Variants in MTMR12 observed in about 807,000 individuals in gnomAD.
MTMR12 encodes the protein myotubularin related protein 12.
A neutral mutation model predicts 96.7 loss-of-function variants in MTMR12; 33 were observed. That is an observed-to-expected ratio of 0.34 (90% confidence interval 0.26 to 0.46). The LOEUF is 0.46. MTMR12 is among the 20% of genes least tolerant of loss of function. MTMR12 has a pLI of 1.00. For missense variants in MTMR12, 721 were observed against 896.1 expected, an observed-to-expected ratio of 0.80 and a Z score of 2.49; for synonymous variants, 298 against 327.2, an observed-to-expected ratio of 0.91 and a Z score of 0.96.
intron 1 of MTMR12, among the ~76,000 whole-genome samples, chr5:32,285,925 A>G (rs936888960): frequency 6.6e-6 from 1 of 152,316 alleles, no homozygotes; most frequent in East Asian, 1.9e-4. Context: ...AATGGGCCTG[A>G]GTCAATATTT....
At position 32,301,661 on chromosome 5, in the gene MTMR12, TG is replaced by T. The variant is rs772380139; in HGVS notation, c.81+11096del. 3.5e-4 allele frequency among the ~76,000 whole-genome samples: 54 copies of T among 152,148 alleles called. 1 individual carries two copies. Among genetic ancestry groups the T allele is most frequent in the Non-Finnish European group, 1.9e-4 (13 of 67,996 alleles). On this transcript the variant is annotated intron_variant, in intron 1 of 15. Coordinates refer to ENST00000382142, the MANE Select transcript of MTMR12 (RefSeq NM_001040446.3). The stretch of plus-strand genomic sequence containing the variant: ...ATCCCAGCACTTTGGGGGGCCGAGG[TG>T]GGTGGATCACCTGAGGGTAGGAGTT...
intron 13 of MTMR12, among the ~76,000 whole-genome samples, chr5:32,238,680 G>T (rs1748336721): frequency 6.6e-6 from 1 of 152,140 alleles, no homozygotes; most frequent in Non-Finnish European, 1.5e-5. Flanking sequence ...GAAAAGGTAG[G>T]AGTCTCCCTC....
At chr5:32,288,388 C>T (rs1174082464) in intron 1 of MTMR12, among the ~76,000 whole-genome samples, 1 of 152,140 alleles carries the variant, frequency 6.6e-6, no homozygotes, top group Non-Finnish European at 1.5e-5. Flanking sequence ...CTGATGGCCT[C>T]CCCTGAGGCA....
chr5:32,274,246 C>CCTG, intron 2 of MTMR12, 124 bp from the exon 3 acceptor site: 1 of 1,166,344 alleles, frequency 8.6e-7, no homozygotes, highest in Non-Finnish European at 1.2e-6. Context: ...GGCTTTAGAA[C>CCTG]TTTACACTTT....
intron 9 of MTMR12, 33 bp downstream of exon 9, chr5:32,248,739 T>C (rs535824100): frequency 6.4e-7 from 1 of 1,552,478 alleles, no homozygotes; most frequent in African/African-American, 1.4e-5. Context: ...AAACAAGAAC[T>C]GAACAAGAAC....
rs571005891 is a variant in MTMR12, at chr5:32,311,064, C to T, written c.81+1694G>A. On this transcript the variant is annotated intron_variant, in intron 1 of 15. Transcript: ENST00000382142. Reference sequence around the variant, plus strand: ...AATTTTAGGGTTTCACCATGTTGGCCAGGCTGGTCTCCAACTTCTGACCTC... The same window carrying T: ...AATTTTAGGGTTTCACCATGTTGGCTAGGCTGGTCTCCAACTTCTGACCTC... Among the ~76,000 whole-genome samples, 773 of 152,208 alleles carry T rather than the reference C, an allele frequency of 5.1e-3. 12 individuals are homozygous for T. Among genetic ancestry groups the T allele is most frequent in the African/African-American group, 0.018 (742 of 41,526 alleles).
At chr5:32,246,441 A>C (rs115550119) in intron 10 of MTMR12, among the ~76,000 whole-genome samples, 1 of 152,152 alleles carries the variant, frequency 6.6e-6, no homozygotes, top group Admixed American at 6.5e-5. Flanking sequence ...GATTACAGGC[A>C]TGAGCCACTG....
intron 1 of MTMR12, among the ~76,000 whole-genome samples, chr5:32,311,704 T>C (rs1751604166): frequency 6.6e-6 from 1 of 152,194 alleles, no homozygotes; most frequent in Non-Finnish European, 1.5e-5. Context: ...TCTAACCTCC[T>C]CTCCTATGAC....
intron 1 of MTMR12, among the ~76,000 whole-genome samples, chr5:32,286,432 T>C (rs753444050): frequency 2.0e-5 from 3 of 151,808 alleles, no homozygotes; most frequent in African/African-American, 7.3e-5. Flanking sequence ...GAGGCTGACA[T>C]GGGAGGATTG....
At chr5:32,243,471 C>T in intron 11 of MTMR12, 50 bp downstream of exon 11, 1 of 1,332,684 alleles carries the variant, frequency 7.5e-7, no homozygotes. Context: ...ATCTACTACC[C>T]TGAGTTATAC....
chr5:32,254,582 T>C (rs1287615131), intron 8 of MTMR12, among the ~76,000 whole-genome samples: 1 of 115,362 alleles, frequency 8.7e-6, no homozygotes, highest in African/African-American at 3.2e-5. Context: ...AGGCCAGGCA[T>C]GGTGGCTCTC....
chr5:32,301,465 T>C (rs1561813359), intron 1 of MTMR12, among the ~76,000 whole-genome samples: 1 of 152,250 alleles, frequency 6.6e-6, no homozygotes, highest in Non-Finnish European at 1.5e-5. Context: ...AAGAGAATCA[T>C]TACTTCTTCC....
chr5:32,298,637 A>C (rs1204910289), intron 1 of MTMR12, among the ~76,000 whole-genome samples: 1 of 152,040 alleles, frequency 6.6e-6, no homozygotes, highest in Non-Finnish European at 1.5e-5. Context: ...CCAGACACAC[A>C]CTTAGAGTGC....
chr5:32,285,434 G>A (rs1373633292), intron 1 of MTMR12, among the ~76,000 whole-genome samples: 2 of 151,330 alleles, frequency 1.3e-5, no homozygotes, highest in African/African-American at 2.4e-5. Flanking sequence ...CCAAAGTGCT[G>A]GGATTATAGG....
In MTMR12 at chr5:32,228,244, C is replaced by T. The variant is rs950587391; in HGVS notation, c.*1534G>A. Reference sequence around the variant, plus strand: ...CTCCTGGGCTCAAGCAATTCGCCCACCTGAGCCTCCCAAAGTGCTGGGATT... The same window carrying T: ...CTCCTGGGCTCAAGCAATTCGCCCATCTGAGCCTCCCAAAGTGCTGGGATT... On this transcript the variant is annotated 3_prime_UTR_variant, in exon 16 of 16. Transcript: ENST00000382142. 1 of 152,088 alleles carries T rather than the reference C, an allele frequency of 6.6e-6. No individual in the cohort carries two copies. Among genetic ancestry groups the T allele is most frequent in the Non-Finnish European group, 1.5e-5 (1 of 68,028 alleles). The allele number at this position is 152,088 out of a possible 1,614,324, so 9.4% of individuals were successfully genotyped here.
At chr5:32,232,833 G>T in intron 15 of MTMR12, 1 of 492,226 alleles carries the variant, frequency 2.0e-6, no homozygotes, top group Non-Finnish European at 2.6e-6. Context: ...GCTCACCCAG[G>T]TCCCCAGTCC....
At chr5:32,299,053 G>A (rs1751032351) in intron 1 of MTMR12, among the ~76,000 whole-genome samples, 1 of 151,060 alleles carries the variant, frequency 6.6e-6, no homozygotes, top group African/African-American at 2.4e-5. Flanking sequence ...ACACATGAAT[G>A]CGCACACACA....
chr5:32,242,974 GATC>G (rs968455003), intron 11 of MTMR12, among the ~76,000 whole-genome samples: 2 of 151,958 alleles, frequency 1.3e-5, no homozygotes, highest in Admixed American at 6.6e-5. Flanking sequence ...CTGTCATCCT[GATC>G]ATCATTTCTG....
chr5:32,243,751 C>A (rs1341661328), intron 10 of MTMR12, 152 bp from the exon 11 acceptor site: 3 of 566,956 alleles, frequency 5.3e-6, no homozygotes, highest in Non-Finnish European at 9.3e-6. Context: ...GAGTAAGGGT[C>A]ATTTCAAAAC....
Sources: allele counts gnomAD v4.1 joint callset (sites outside exome capture counted in the v4.1 genomes callset), GRCh38; gene constraint gnomAD v4.1.1; transcripts MANE v1.5; gene names NCBI Gene and HGNC (gene_info 2026-07-23, HGNC 2026-07-21).